SCARA3: variants seen among roughly 807,000 people sequenced by gnomAD.
SCARA3 encodes the protein cellular stress response gene protein.
In SCARA3, 39 loss-of-function variants were observed where a neutral mutation model predicts 47.0. The ratio of observed to expected loss-of-function variants is 0.83; its 90% confidence interval spans 0.64 to 1.08. The LOEUF is 1.08. Ranked by LOEUF, SCARA3 falls within the 50% of genes least tolerant of loss-of-function variation. The pLI, the probability that SCARA3 is intolerant of heterozygous loss-of-function variation, is 0.00. For synonymous variants in SCARA3, 356 were observed against 334.1 expected, an observed-to-expected ratio of 1.07 and a Z score of -0.71; for missense variants, 724 against 792.3, an observed-to-expected ratio of 0.91 and a Z score of 1.04.
At chr8:27,680,533 T>A (rs1802341298), downstream of SCARA3, among the ~76,000 whole-genome samples, 5 of 152,248 alleles carry the variant, frequency 3.3e-5, no homozygotes, top group South Asian at 1.0e-3. Context: ...ACTAATATTT[T>A]AAAAATTGAA....
chr8:27,667,146 C>A (rs1802033660), intron 5 of SCARA3, among the ~76,000 whole-genome samples: 1 of 152,200 alleles, frequency 6.6e-6, no homozygotes, highest in Non-Finnish European at 1.5e-5. Context: ...GCACCCCGGC[C>A]TGGAGGGGCC....
At chr8:27,678,958 C>T (rs925337127), downstream of SCARA3, among the ~76,000 whole-genome samples, 1 of 152,120 alleles carries the variant, frequency 6.6e-6, no homozygotes, top group African/African-American at 2.4e-5. Context: ...GAGGCTGAGG[C>T]GGGCAGATCA....
chr8:27,730,337 G>A, the SCARA3 span, among the ~76,000 whole-genome samples: 5 of 152,026 alleles, frequency 3.3e-5, no homozygotes, highest in South Asian at 2.1e-4. Flanking sequence ...GTGGGAATGC[G>A]GTATTTTCTC....
the SCARA3 span, among the ~76,000 whole-genome samples, chr8:27,684,630 G>A: frequency 2.0e-5 from 3 of 150,468 alleles, no homozygotes; most frequent in Non-Finnish European, 4.4e-5. Flanking sequence ...TTGTGCCACT[G>A]CCCTCCAGCC....
chr8:27,692,389 C>T, the SCARA3 span, among the ~76,000 whole-genome samples: 1 of 149,838 alleles, frequency 6.7e-6, no homozygotes, highest in Non-Finnish European at 1.5e-5. Context: ...CATTGCCCTC[C>T]AGCCTGGGCA....
downstream of SCARA3, among the ~76,000 whole-genome samples, chr8:27,678,176 GA>G (rs1175854719): frequency 6.6e-6 from 1 of 151,808 alleles, no homozygotes; most frequent in Non-Finnish European, 1.5e-5. Context: ...ATAAACAGAA[GA>G]AAAGATACAA....
chr8:27,664,299 A>T (rs545372637), intron 5 of SCARA3, among the ~76,000 whole-genome samples: 2 of 152,362 alleles, frequency 1.3e-5, no homozygotes, highest in East Asian at 3.9e-4. Flanking sequence ...GAACAAAGGC[A>T]ATTTAAAGCT....
chr8:27,634,194 A>G lies in SCARA3; in HGVS notation c.-7A>G. 2.1e-6 allele frequency: 3 copies of G among 1,419,134 alleles called. No individual in the cohort carries two copies. The highest frequency in any genetic ancestry group is 2.7e-6 in the Non-Finnish European group (3 of 1,091,328). The allele number at this position is 1,419,134 out of a possible 1,614,324, so 87.9% of individuals were successfully genotyped here. A position where few individuals can be genotyped will look rare whatever the true frequency, so the allele number is the denominator to read the frequency against. Reference sequence around the variant, plus strand: ...GGGGCCCTCCTGAGGCCCCAGAGGAAGAGACCATGAAAGGTAAGGGCGGCC... The same window carrying G: ...GGGGCCCTCCTGAGGCCCCAGAGGAGGAGACCATGAAAGGTAAGGGCGGCC... On this transcript the variant is annotated 5_prime_UTR_variant, in exon 1 of 6. Coordinates refer to ENST00000301904, the MANE Select transcript of SCARA3 (RefSeq NM_016240.3).
the SCARA3 span, among the ~76,000 whole-genome samples, chr8:27,724,674 A>G: frequency 1.3e-5 from 2 of 152,138 alleles, no homozygotes; most frequent in Non-Finnish European, 2.9e-5. Context: ...AAACCAAACA[A>G]AAAACTGGTT....
the SCARA3 span, among the ~76,000 whole-genome samples, chr8:27,708,514 A>T: frequency 6.6e-6 from 1 of 152,236 alleles, no homozygotes; most frequent in South Asian, 2.1e-4. Flanking sequence ...CATAACAAAA[A>T]ATTTGTCTAA....
the SCARA3 span, among the ~76,000 whole-genome samples, chr8:27,684,867 A>G: frequency 1.9e-4 from 29 of 151,302 alleles, no homozygotes; most frequent in Non-Finnish European, 3.4e-4. Context: ...TAGTCACTAC[A>G]CTCCAGCCTG....
At chr8:27,730,619 G>C in the SCARA3 span, among the ~76,000 whole-genome samples, 2 of 151,876 alleles carry the variant, frequency 1.3e-5, no homozygotes, top group African/African-American at 4.8e-5. Context: ...GCGTAGGTGG[G>C]ACTATAAGGC....
chr8:27,695,583 A>T, the SCARA3 span, among the ~76,000 whole-genome samples: 3 of 152,348 alleles, frequency 2.0e-5, no homozygotes, highest in South Asian at 6.2e-4. Context: ...AGGTAACCTA[A>T]ATATTAGCAG....
At chr8:27,730,584 AG>A in the SCARA3 span, among the ~76,000 whole-genome samples, 1 of 151,870 alleles carries the variant, frequency 6.6e-6, no homozygotes, top group East Asian at 1.9e-4. Flanking sequence ...CCCAGGCTCA[AG>A]CAATCCTCCC....
At chr8:27,722,067 G>A in the SCARA3 span, among the ~76,000 whole-genome samples, 502 of 152,278 alleles carry the variant, frequency 3.3e-3, 5 homozygotes, top group Non-Finnish European at 5.7e-3. Context: ...CCCAGCCTAG[G>A]CAACAGAGTG....
chr8:27,722,335 G>A, the SCARA3 span, among the ~76,000 whole-genome samples: 1 of 152,166 alleles, frequency 6.6e-6, no homozygotes, highest in Non-Finnish European at 1.5e-5. Flanking sequence ...TCCTGTAGAT[G>A]TGAAGATGCA....
intron 5 of SCARA3, among the ~76,000 whole-genome samples, chr8:27,669,381 G>A (rs1015454660): frequency 6.6e-6 from 1 of 152,254 alleles, no homozygotes; most frequent in African/African-American, 2.4e-5. Flanking sequence ...GCAGAGGTAG[G>A]GTGAAGACAG....
At chr8:27,718,639 T>A in the SCARA3 span, among the ~76,000 whole-genome samples, 3 of 152,218 alleles carry the variant, frequency 2.0e-5, no homozygotes, top group East Asian at 5.8e-4. Context: ...GAATAATTCA[T>A]TCAGGCCACA....
At position 27,672,125 on chromosome 8, in the gene SCARA3, C is replaced by T; in HGVS notation, c.*774C>T. ...CCCCATAAGCAGGGGACCAGCATACCCGGGAGCTGTCCCTGTCTGTCACAG... is the reference window on the plus strand; with the variant it reads ...CCCCATAAGCAGGGGACCAGCATACTCGGGAGCTGTCCCTGTCTGTCACAG... On this transcript the variant is annotated 3_prime_UTR_variant, in exon 6 of 6. Transcript: ENST00000301904. 5 of 985,434 alleles carry T rather than the reference C, an allele frequency of 5.1e-6. No individual in the cohort carries two copies. Among genetic ancestry groups the T allele is most frequent in the Non-Finnish European group, 6.0e-6 (5 of 829,936 alleles). 61.0% of individuals were successfully genotyped at this position (985,434 alleles called of 1,614,324 possible).
Sources: gnomAD v4.1 joint callset for allele counts (sites outside exome capture counted in the v4.1 genomes callset) on GRCh38, gnomAD v4.1.1 for gene constraint, MANE v1.5 for transcripts, NCBI Gene and HGNC (gene_info 2026-07-23, HGNC 2026-07-21) for gene names.